CTNNA2: variants seen among roughly 807,000 people sequenced by gnomAD.
The protein encoded by CTNNA2 is catenin alpha-2.
Under a neutral mutation model 101.0 loss-of-function variants are expected in CTNNA2, and 42 were observed. The ratio of observed to expected loss-of-function variants is 0.42; its 90% CI spans 0.32 to 0.54. CTNNA2 has a LOEUF of 0.54. Among genes scored for constraint, CTNNA2 ranks in the 20% least tolerant of loss-of-function variants. CTNNA2 has a pLI of 0.14. For synonymous variants in CTNNA2, 450 were observed against 456.4 expected (o/e 0.99, Z 0.18); for missense variants, 871 against 1,223.1 (o/e 0.71, Z 4.29).
At position 80,218,489 on chromosome 2, in the gene CTNNA2, A is replaced by G. The variant is rs1558914314; in HGVS notation, c.1057-174722A>G. On this transcript the variant is annotated intron_variant, in intron 7 of 18. Coordinates refer to ENST00000402739, the MANE Select transcript of CTNNA2 (RefSeq NM_001282597.3). ...TATTGACCAATGTATTAAAAGGTGA[A>G]TAGAAAGGCAGTACAACAAAGTAGT... 2.0e-5 allele frequency among the ~76,000 whole-genome samples: 3 copies of G among 152,372 alleles called. 1 individual carries two copies. Among genetic ancestry groups the G allele is most frequent in the Admixed American group, 6.5e-5 (1 of 15,312 alleles).
In CTNNA2 at chr2:79,833,595, A is replaced by G. The variant is rs557637730; in HGVS notation, c.299-24418A>G. On this transcript the variant is annotated intron_variant, in intron 3 of 18. Coordinates refer to ENST00000402739, the MANE Select transcript of CTNNA2 (RefSeq NM_001282597.3). ...GTGAGGAAAATCCTGCCACTTAGTA[A>G]AACTCGATTTCTTGCTCCTCATGGC... Among the ~76,000 whole-genome samples, 6 of 152,264 alleles carry G rather than the reference A, an allele frequency of 3.9e-5. No homozygotes were observed. The East Asian group carries it at 9.7e-4, about 25-fold the overall frequency.
intron 4 of CTNNA2, among the ~76,000 whole-genome samples, chr2:79,469,616 T>C (rs1431479275): frequency 6.6e-6 from 1 of 152,156 alleles, no homozygotes; most frequent in African/African-American, 2.4e-5. Context: ...TGAACATCGA[T>C]GCAAAAATCC....
chr2:80,570,388 G>A (rs1335996624), intron 12 of CTNNA2, among the ~76,000 whole-genome samples: 1 of 152,196 alleles, frequency 6.6e-6, no homozygotes, highest in African/African-American at 2.4e-5. Context: ...GACCGAATGA[G>A]CGAAGAGCAG....
At chr2:80,336,987 C>T (rs980673694) in intron 7 of CTNNA2, among the ~76,000 whole-genome samples, 1 of 152,128 alleles carries the variant, frequency 6.6e-6, no homozygotes, top group Admixed American at 6.5e-5. Context: ...CTCCTCACTC[C>T]TCCATCTCCA....
Position 80,109,069 on chromosome 2 carries a change from GT to G in CTNNA2, c.1056+199276del, listed in dbSNP as rs77896673. 7.5e-4 allele frequency among the ~76,000 whole-genome samples: 114 copies of G among 152,252 alleles called. 1 individual carries two copies. The East Asian group carries it at 0.017, about 23-fold the overall frequency. On this transcript the variant is annotated intron_variant, in intron 7 of 18. Transcript: ENST00000402739. ...CCTGGTCATTAGAATAAACATACTG[GT>G]TTTGATGATGATAAAGTCCAAGTGA...
intron 3 of CTNNA2, among the ~76,000 whole-genome samples, chr2:79,785,137 G>C (rs1011586049): frequency 2.0e-5 from 3 of 152,164 alleles, no homozygotes; most frequent in African/African-American, 7.2e-5. Context: ...GCTCTCCTCA[G>C]TGTGTAGCCA....
At chr2:79,418,498 C>A (rs943270135) in intron 4 of CTNNA2, among the ~76,000 whole-genome samples, 1 of 152,138 alleles carries the variant, frequency 6.6e-6, no homozygotes, top group Non-Finnish European at 1.5e-5. Context: ...CTATAATTTT[C>A]TCACTGTTAT....
intron 6 of CTNNA2, among the ~76,000 whole-genome samples, chr2:79,882,460 C>G (rs1237524525): frequency 6.6e-6 from 1 of 152,206 alleles, no homozygotes; most frequent in Non-Finnish European, 1.5e-5. Context: ...ATGGATGGGT[C>G]AGGCTCAGGC....
chr2:80,122,726 G>C (rs561102787), intron 7 of CTNNA2, among the ~76,000 whole-genome samples: 3 of 152,242 alleles, frequency 2.0e-5, no homozygotes, highest in African/African-American at 7.2e-5. Context: ...TATCGCCATA[G>C]GTACCTATGC....
chr2:79,264,624 A>G (rs1674966955), intron 2 of CTNNA2, among the ~76,000 whole-genome samples: 1 of 152,278 alleles, frequency 6.6e-6, no homozygotes, highest in South Asian at 2.1e-4. Flanking sequence ...TCAAAGCCGT[A>G]GAACAAAATC....
chr2:80,516,363 G>T (rs577713965), intron 9 of CTNNA2, among the ~76,000 whole-genome samples: 1 of 152,092 alleles, frequency 6.6e-6, no homozygotes, highest in Non-Finnish European at 1.5e-5. Context: ...ATTTCCATGC[G>T]GTCCTTACCG....
At chr2:79,313,967 G>T (rs1018046564) in intron 3 of CTNNA2, among the ~76,000 whole-genome samples, 2 of 152,232 alleles carry the variant, frequency 1.3e-5, no homozygotes, top group African/African-American at 4.8e-5. Flanking sequence ...TCTCACATGG[G>T]GACTGAGAGG....
intron 7 of CTNNA2, chr2:80,298,267 T>G (rs2149196569): frequency 6.6e-6 from 1 of 152,294 alleles, no homozygotes; most frequent in Non-Finnish European, 1.5e-5. Context: ...TGACATTCTG[T>G]CAATGGCAGA....
At chr2:79,375,123 T>G (rs2167389) in intron 4 of CTNNA2, among the ~76,000 whole-genome samples, 1 of 152,174 alleles carries the variant, frequency 6.6e-6, no homozygotes, top group Non-Finnish European at 1.5e-5. Context: ...CTCTTTACTA[T>G]TTCATTCTGT....
intron 2 of CTNNA2, among the ~76,000 whole-genome samples, chr2:79,668,809 G>C (rs2104570719): frequency 6.6e-6 from 1 of 152,304 alleles, no homozygotes; most frequent in South Asian, 2.1e-4. Flanking sequence ...AGACATAGCA[G>C]CTTGGTTGCT....
chr2:80,378,053 C>T (rs1031106327), intron 7 of CTNNA2, among the ~76,000 whole-genome samples: 1 of 152,030 alleles, frequency 6.6e-6, no homozygotes, highest in Non-Finnish European at 1.5e-5. Flanking sequence ...AGAGTACCTG[C>T]TTACAAATAG....
At chr2:80,060,519 A>G (rs1697511421) in intron 7 of CTNNA2, among the ~76,000 whole-genome samples, 4 of 152,090 alleles carry the variant, frequency 2.6e-5, no homozygotes, top group Admixed American at 2.6e-4. Flanking sequence ...CCAAGACCCC[A>G]TGACCTGGCT....
At chr2:80,362,208 A>C (rs1237334892) in intron 7 of CTNNA2, among the ~76,000 whole-genome samples, 1 of 152,126 alleles carries the variant, frequency 6.6e-6, no homozygotes, top group Non-Finnish European at 1.5e-5. Context: ...TAACATTTCA[A>C]AGAGATAGTT....
chr2:79,424,478 G>C (rs1347927400), intron 4 of CTNNA2, among the ~76,000 whole-genome samples: 4 of 152,044 alleles, frequency 2.6e-5, no homozygotes, highest in Non-Finnish European at 5.9e-5. Flanking sequence ...AATATAGTTT[G>C]GGCCTTTTAT....
Sources: gnomAD v4.1 joint callset for allele counts (sites outside exome capture counted in the v4.1 genomes callset) on GRCh38, gnomAD v4.1.1 for gene constraint, MANE v1.5 for transcripts, NCBI Gene and HGNC (gene_info 2026-07-23, HGNC 2026-07-21) for gene names.